C1orf21: variants seen among roughly 807,000 people sequenced by gnomAD.
C1orf21 encodes the protein chromosome 1 open reading frame 21, also known as uncharacterized protein C1orf21.
C1orf21 carries 3 observed loss-of-function variants against 18.7 expected under a neutral mutation model. The observed-to-expected ratio is 0.16, with a 90% CI of 0.07 to 0.42. C1orf21 has a LOEUF of 0.42. C1orf21 is among the 10% of genes least tolerant of loss of function. The pLI is 0.99. For missense variants in C1orf21, 104 were observed against 143.6 expected, an observed-to-expected ratio of 0.72 and a Z score of 1.41; for synonymous variants, 41 against 46.4, an observed-to-expected ratio of 0.88 and a Z score of 0.47.
intron 3 of C1orf21, among the ~76,000 whole-genome samples, chr1:184,521,193 T>C (rs551548757): frequency 1.3e-5 from 2 of 152,260 alleles, no homozygotes; most frequent in East Asian, 3.9e-4. Context: ...CCGGCCAATA[T>C]AATTTTTTTT....
At chr1:184,394,915 A>G (rs918371110) in intron 1 of C1orf21, among the ~76,000 whole-genome samples, 4 of 152,144 alleles carry the variant, frequency 2.6e-5, no homozygotes, top group African/African-American at 9.7e-5. Flanking sequence ...TGTGCCAGGA[A>G]TCCATGACAG....
intron 5 of C1orf21, among the ~76,000 whole-genome samples, chr1:184,606,401 C>T (rs553313177): frequency 1.3e-5 from 2 of 152,158 alleles, no homozygotes; most frequent in Admixed American, 1.3e-4. Context: ...CATTGCAAGA[C>T]CCTGTCTCTA....
At chr1:184,585,044 G>T (rs924549423) in intron 3 of C1orf21, among the ~76,000 whole-genome samples, 1 of 152,178 alleles carries the variant, frequency 6.6e-6, no homozygotes, top group Non-Finnish European at 1.5e-5. Flanking sequence ...TATAGTTGTA[G>T]TGGGGGAATT....
intron 5 of C1orf21, among the ~76,000 whole-genome samples, chr1:184,614,486 C>A (rs1187406140): frequency 6.7e-6 from 1 of 149,796 alleles, no homozygotes; most frequent in Non-Finnish European, 1.5e-5. Flanking sequence ...ATACCTGACA[C>A]TGAATGGCAA....
chr1:184,485,580 C>G (rs1255872874), intron 2 of C1orf21, among the ~76,000 whole-genome samples: 1 of 152,062 alleles, frequency 6.6e-6, no homozygotes, highest in Non-Finnish European at 1.5e-5. Flanking sequence ...CCCTCATTTT[C>G]TGCTTGGAAT....
intron 3 of C1orf21, among the ~76,000 whole-genome samples, chr1:184,585,148 C>G (rs1406106053): frequency 6.6e-6 from 1 of 152,090 alleles, no homozygotes; most frequent in Non-Finnish European, 1.5e-5. Context: ...TAGTTCTTTT[C>G]TCTGCAAAAG....
intron 1 of C1orf21, among the ~76,000 whole-genome samples, chr1:184,443,098 G>T (rs1198708824): frequency 6.6e-6 from 1 of 152,178 alleles, no homozygotes; most frequent in East Asian, 1.9e-4. Flanking sequence ...ATAAAGAATT[G>T]TACTGTGCAT....
In C1orf21 at chr1:184,426,455, C is replaced by T. The variant is rs142939875; in HGVS notation, c.-125+39087C>T. ...TTGGTGTCAGAGGAGGAACCCTGAG[C>T]GAGACCCACCCACCTCTCTCTGGGG... On this transcript the variant is annotated intron_variant, in intron 1 of 5. Transcript: ENST00000235307. Among the ~76,000 whole-genome samples, 741 of 152,224 alleles carry T rather than the reference C, an allele frequency of 4.9e-3. 4 individuals carry two copies. Among genetic ancestry groups the T allele is most frequent in the Middle Eastern group, 0.034 (10 of 294 alleles).
rs532680129 is a variant in C1orf21, at chr1:184,480,945, C to T, written c.94+3342C>T. ...CTCTCCAGGTGGGAGAGCCTTCCAT[C>T]AGGGACATACTTTAGGTTGCAAATT... is the stretch of plus-strand genomic sequence containing the variant. On this transcript the variant is annotated intron_variant, in intron 2 of 5. Transcript: ENST00000235307. Among the ~76,000 whole-genome samples the T allele has an allele frequency of 4.6e-5, 7 of 152,270 alleles. No homozygotes were observed. The East Asian group carries it at 1.4e-3, about 29-fold the overall frequency.
chr1:184,490,058 A>G (rs1262634763), intron 2 of C1orf21, among the ~76,000 whole-genome samples: 2 of 152,242 alleles, frequency 1.3e-5, no homozygotes, highest in Non-Finnish European at 2.9e-5. Flanking sequence ...AAGCACTATC[A>G]CTGGAAATAG....
chr1:184,435,801 T>C (rs1656848541), intron 1 of C1orf21, among the ~76,000 whole-genome samples: 2 of 152,210 alleles, frequency 1.3e-5, no homozygotes, highest in Admixed American at 1.3e-4. Context: ...TCACAGTAGC[T>C]AAGCTAAGAA....
rs1380601329 is a variant in C1orf21, at chr1:184,387,839, C to A, written c.-125+471C>A. On this transcript the variant is annotated intron_variant, in intron 1 of 5. Coordinates refer to ENST00000235307, the MANE Select transcript of C1orf21 (RefSeq NM_030806.4). This position sits in a 1 kb window ranked among gnomAD's most constrained non-coding sequence, Gnocchi z 5.6. ...AGGATCCTTTGCTAAGTATCCAAGT[C>A]CCTTCTCTCGCTCCGACTGATTGAT... Among the ~76,000 whole-genome samples, 1 of 152,244 alleles carries A rather than the reference C, an allele frequency of 6.6e-6. No individual in the cohort carries two copies. Among genetic ancestry groups the A allele is most frequent in the Non-Finnish European group, 1.5e-5 (1 of 68,048 alleles).
chr1:184,445,482 CT>C (rs1252653241), intron 1 of C1orf21, among the ~76,000 whole-genome samples: 117 of 135,360 alleles, frequency 8.6e-4, no homozygotes, highest in Non-Finnish European at 8.1e-4. Context: ...TTATCTGGAC[CT>C]TTTTTTTTTT....
chr1:184,626,010 C>G lies in C1orf21; in HGVS notation c.*6454C>G, dbSNP rs953457350. 2.6e-5 allele frequency: 4 copies of G among 152,170 alleles called. No homozygotes were observed. Among genetic ancestry groups the G allele is most frequent in the African/African-American group, 9.6e-5 (4 of 41,454 alleles). 9.4% of individuals were successfully genotyped at this position (152,170 alleles called of 1,614,324 possible). A position where few individuals can be genotyped will look rare whatever the true frequency, so the allele number is the denominator to read the frequency against. ...AGCAGCTCCACTGGGATGCTCTAAC[C>G]CCAGTGTGTGGAGTTGGGGTCCCTT... On this transcript the variant is annotated 3_prime_UTR_variant, in exon 6 of 6. Coordinates refer to ENST00000235307, the MANE Select transcript of C1orf21 (RefSeq NM_030806.4).
chr1:184,468,484 G>T (rs1375020297), intron 1 of C1orf21, among the ~76,000 whole-genome samples: 2 of 152,190 alleles, frequency 1.3e-5, no homozygotes, highest in African/African-American at 4.8e-5. Flanking sequence ...TTTTCAATTT[G>T]TAGGATTCAG....
At chr1:184,441,601 G>A (rs751477150) in intron 1 of C1orf21, among the ~76,000 whole-genome samples, 1 of 152,166 alleles carries the variant, frequency 6.6e-6, no homozygotes, top group Non-Finnish European at 1.5e-5. Context: ...CTTCATTTAA[G>A]TCTCGTACCA....
At chr1:184,454,849 G>A (rs1657174927) in intron 1 of C1orf21, among the ~76,000 whole-genome samples, 1 of 152,038 alleles carries the variant, frequency 6.6e-6, no homozygotes, top group South Asian at 2.1e-4. Context: ...CCAGTCTCAG[G>A]TGTTTCTTTA....
intron 3 of C1orf21, among the ~76,000 whole-genome samples, chr1:184,533,683 T>C (rs1322831794): frequency 6.6e-6 from 1 of 152,236 alleles, no homozygotes; most frequent in African/African-American, 2.4e-5. Context: ...TGTATACCTT[T>C]CCCAATTACA....
chr1:184,536,190 T>C (rs1490936206), intron 3 of C1orf21, among the ~76,000 whole-genome samples: 6 of 152,226 alleles, frequency 3.9e-5, no homozygotes, highest in Non-Finnish European at 7.3e-5. Context: ...CATTTTAAAG[T>C]GAGATTTGAC....
Sources: gnomAD v4.1 joint callset for allele counts (sites outside exome capture counted in the v4.1 genomes callset) on GRCh38, gnomAD v4.1.1 for gene constraint, Gnocchi (gnomAD v3.1) non-coding constraint, MANE v1.5 for transcripts, NCBI Gene and HGNC (gene_info 2026-07-23, HGNC 2026-07-21) for gene names.